Variants in CSTPP1 observed in about 807,000 individuals in gnomAD.
CSTPP1 encodes UPF0705 protein C11orf49.
the CSTPP1 span, among the ~76,000 whole-genome samples, chr11:46,982,251 T>A: frequency 6.6e-6 from 1 of 152,224 alleles, no homozygotes; most frequent in Admixed American, 6.5e-5. Flanking sequence ...AAACTCTATG[T>A]ATTTATCAAT....
chr11:47,012,746 T>C, the CSTPP1 span, among the ~76,000 whole-genome samples: 1 of 152,060 alleles, frequency 6.6e-6, no homozygotes, highest in Non-Finnish European at 1.5e-5. Flanking sequence ...CTGAGGTGCC[T>C]TCTATATAAA....
the CSTPP1 span, chr11:47,161,819 G>A: frequency 7.1e-7 from 1 of 1,402,134 alleles, no homozygotes; most frequent in East Asian, 2.6e-5. Context: ...GCCCCGGAAG[G>A]TGAATGGCCT....
the CSTPP1 span, among the ~76,000 whole-genome samples, chr11:46,973,403 G>A: frequency 2.0e-5 from 3 of 152,104 alleles, no homozygotes. Context: ...AAATACCGTG[G>A]TTTAAACAAG....
chr11:47,145,129 A>C, the CSTPP1 span, among the ~76,000 whole-genome samples: 1 of 151,948 alleles, frequency 6.6e-6, no homozygotes, highest in Admixed American at 6.6e-5. Context: ...CTAGGACTAC[A>C]GGCACGCACC....
chr11:46,954,112 G>T, the CSTPP1 span, among the ~76,000 whole-genome samples: 23 of 152,122 alleles, frequency 1.5e-4, no homozygotes, highest in Non-Finnish European at 2.9e-4. Context: ...AAAAAAAGAA[G>T]TAACTAAGAA....
At chr11:47,060,914 C>T in the CSTPP1 span, among the ~76,000 whole-genome samples, 3 of 152,048 alleles carry the variant, frequency 2.0e-5, no homozygotes, top group Non-Finnish European at 2.9e-5. Context: ...AGCATAGACC[C>T]GTTAGGAGAC....
At chr11:47,111,274 G>A in the CSTPP1 span, among the ~76,000 whole-genome samples, 1 of 152,232 alleles carries the variant, frequency 6.6e-6, no homozygotes, top group East Asian at 1.9e-4. Context: ...TGTGCCTAGT[G>A]TCAAGAGAGA....
At chr11:47,093,613 T>G in the CSTPP1 span, among the ~76,000 whole-genome samples, 1 of 152,162 alleles carries the variant, frequency 6.6e-6, no homozygotes, top group Non-Finnish European at 1.5e-5. Context: ...TCAAGAGCAG[T>G]GGTTTTTGAG....
the CSTPP1 span, among the ~76,000 whole-genome samples, chr11:47,096,040 G>A: frequency 6.6e-6 from 1 of 152,122 alleles, no homozygotes; most frequent in Non-Finnish European, 1.5e-5. Context: ...GCCAGTCTGG[G>A]GTATGGCCAG....
At chr11:47,038,319 G>A in the CSTPP1 span, among the ~76,000 whole-genome samples, 1 of 101,672 alleles carries the variant, frequency 9.8e-6, no homozygotes, top group Non-Finnish European at 2.3e-5. Flanking sequence ...GCGGCTGGCC[G>A]GGCGGGGGGC....
chr11:47,053,183 A>G, the CSTPP1 span, among the ~76,000 whole-genome samples: 1 of 152,202 alleles, frequency 6.6e-6, no homozygotes, highest in Non-Finnish European at 1.5e-5. Flanking sequence ...TAGGTAGAAC[A>G]TATGCTGAAG....
chr11:47,034,217 C>T, the CSTPP1 span, among the ~76,000 whole-genome samples: 6 of 152,134 alleles, frequency 3.9e-5, no homozygotes, highest in African/African-American at 1.2e-4. Flanking sequence ...AAATGGTTCT[C>T]ATTATCCAGG....
the CSTPP1 span, among the ~76,000 whole-genome samples, chr11:46,979,461 A>G: frequency 6.6e-6 from 1 of 152,136 alleles, no homozygotes; most frequent in Admixed American, 6.5e-5. Context: ...TATTTTTGCA[A>G]AGTTATTGCC....
chr11:47,031,478 G>A, the CSTPP1 span, among the ~76,000 whole-genome samples: 5 of 152,238 alleles, frequency 3.3e-5, no homozygotes, highest in Admixed American at 3.3e-4. Flanking sequence ...GATTGCTTTA[G>A]CTCAGGAGTT....
the CSTPP1 span, among the ~76,000 whole-genome samples, chr11:47,083,727 C>CA: frequency 6.6e-6 from 1 of 152,108 alleles, no homozygotes; most frequent in Non-Finnish European, 1.5e-5. Context: ...GCATATTAGC[C>CA]ATTTGTGTAT....
chr11:47,000,670 C>G, the CSTPP1 span, among the ~76,000 whole-genome samples: 2 of 152,186 alleles, frequency 1.3e-5, no homozygotes, highest in African/African-American at 4.8e-5. Context: ...TTTTGGGCAC[C>G]TACTCTGTGC....
chr11:46,986,912 A>G, the CSTPP1 span, among the ~76,000 whole-genome samples: 7 of 152,244 alleles, frequency 4.6e-5, no homozygotes, highest in Non-Finnish European at 1.0e-4. Flanking sequence ...ATGGTGCTAA[A>G]TCTCCTCTTC....
At chr11:47,036,225 TA>T in the CSTPP1 span, among the ~76,000 whole-genome samples, 2 of 58,492 alleles carry the variant, frequency 3.4e-5, 1 homozygote, top group Non-Finnish European at 7.4e-5. Context: ...ATATATAATA[TA>T]TATAATATAT....
At chr11:47,032,530 G>A in the CSTPP1 span, among the ~76,000 whole-genome samples, 10 of 151,968 alleles carry the variant, frequency 6.6e-5, no homozygotes, top group Non-Finnish European at 1.2e-4. Flanking sequence ...ATTATATCTT[G>A]TAAGGTTAAA....
Sources: gnomAD v4.1 joint callset for allele counts (sites outside exome capture counted in the v4.1 genomes callset) on GRCh38, gnomAD v4.1.1 for gene constraint, MANE v1.5 for transcripts, NCBI Gene and HGNC (gene_info 2026-07-23, HGNC 2026-07-21) for gene names.